Variants in MAML2 observed in about 807,000 individuals in gnomAD.
MAML2 encodes mastermind like transcriptional coactivator 2.
A neutral mutation model predicts 96.1 loss-of-function variants in MAML2; 22 were observed. That is an observed-to-expected ratio of 0.23 (90% confidence interval 0.16 to 0.33). MAML2 has a LOEUF of 0.33. MAML2 is among the 10% of genes least tolerant of loss of function. The pLI is 1.00. For missense variants in MAML2, 1,367 were observed against 1,392.4 expected (o/e 0.98, Z 0.29); for synonymous variants, 561 against 521.3 (o/e 1.08, Z -1.04).
chr11:96,251,780 G>A (rs980117221), intron 1 of MAML2, among the ~76,000 whole-genome samples: 3 of 150,138 alleles, frequency 2.0e-5, no homozygotes, highest in Non-Finnish European at 4.4e-5. Context: ...CACCCAGGCT[G>A]GAGTGCAGTG....
chr11:96,250,970 T>G (rs1208251116), intron 1 of MAML2, among the ~76,000 whole-genome samples: 1 of 152,122 alleles, frequency 6.6e-6, no homozygotes, highest in African/African-American at 2.4e-5. Context: ...CTTAGGACAT[T>G]GGCTTTGGTT....
chr11:96,293,195 A>G (rs1231380255), intron 1 of MAML2, among the ~76,000 whole-genome samples: 1 of 152,214 alleles, frequency 6.6e-6, no homozygotes, highest in Non-Finnish European at 1.5e-5. Context: ...TGTGCCAACT[A>G]TCTACATTGT....
rs1299288654 is a variant in MAML2, at chr11:95,979,382, C to T, written c.3037G>A (p.Ala1013Thr). 6.2e-7 allele frequency: 1 copy of T among 1,613,596 alleles called. No individual in the cohort carries two copies. Among genetic ancestry groups the T allele is most frequent in the Non-Finnish European group, 8.5e-7 (1 of 1,179,736 alleles). The change falls in exon 5 of 5, where the codon GCA becomes ACA. Residue 1013 changes from alanine to threonine, a missense_variant. Coordinates refer to ENST00000524717, the MANE Select transcript of MAML2 (RefSeq NM_032427.4). Reference sequence around the variant, plus strand: ...GTTAACTGGTTAGGAGGAGCCACTGCCCTCTGGGAAAATTGCTGGCTACCT... The same window carrying T: ...GTTAACTGGTTAGGAGGAGCCACTGTCCTCTGGGAAAATTGCTGGCTACCT... Reference protein sequence around the residue: ...AVGSQQFSQRAVAPPNQLTPA... With the variant: ...AVGSQQFSQRTVAPPNQLTPA...
rs145585363 is a variant in MAML2, at chr11:96,126,810, C to T, written c.514-33293G>A. Among the ~76,000 whole-genome samples, 51 of 152,228 alleles carry T rather than the reference C, an allele frequency of 3.4e-4. No individual in the cohort carries two copies. The East Asian group carries it at 4.2e-3, about 13-fold the overall frequency. On this transcript the variant is annotated intron_variant, in intron 1 of 4. Coordinates refer to ENST00000524717, the MANE Select transcript of MAML2 (RefSeq NM_032427.4). ...CAAATGTCATTGAGCAGTTCTCATG[C>T]GCTGGACACCTTGCTAGGCCCTTAG...
At chr11:95,998,217 C>A (rs766380130) in intron 2 of MAML2, among the ~76,000 whole-genome samples, 1 of 151,708 alleles carries the variant, frequency 6.6e-6, no homozygotes, top group Non-Finnish European at 1.5e-5. Context: ...ACGTACCCAA[C>A]CTCCTTACCT....
At chr11:96,202,466 G>A (rs905000668) in intron 1 of MAML2, among the ~76,000 whole-genome samples, 3 of 152,218 alleles carry the variant, frequency 2.0e-5, no homozygotes, top group African/African-American at 4.8e-5. Context: ...TCAGGAATGC[G>A]TTAGGAAAGT....
chr11:96,241,174 T>C (rs1000235073), intron 1 of MAML2, among the ~76,000 whole-genome samples: 5 of 152,222 alleles, frequency 3.3e-5, no homozygotes, highest in African/African-American at 1.2e-4. Context: ...TTACAGTATT[T>C]TCACTAGTTC....
At chr11:96,221,108 A>G (rs1307496738) in intron 1 of MAML2, among the ~76,000 whole-genome samples, 1 of 152,234 alleles carries the variant, frequency 6.6e-6, no homozygotes, top group Non-Finnish European at 1.5e-5. Flanking sequence ...TATTAATACT[A>G]TGGTCATTAA....
intron 2 of MAML2, among the ~76,000 whole-genome samples, chr11:96,067,761 G>A (rs992425562): frequency 5.3e-5 from 8 of 152,142 alleles, no homozygotes; most frequent in African/African-American, 1.2e-4. Flanking sequence ...ACGCATATCC[G>A]TGACTGCCTC....
At chr11:96,051,531 CT>C (rs903004858) in intron 2 of MAML2, among the ~76,000 whole-genome samples, 18 of 152,216 alleles carry the variant, frequency 1.2e-4, no homozygotes, top group Admixed American at 3.9e-4. Flanking sequence ...GGTCACACCC[CT>C]AGCATGGCAT....
chr11:95,993,178 G>A (rs939969130), intron 2 of MAML2, among the ~76,000 whole-genome samples: 4 of 149,942 alleles, frequency 2.7e-5, no homozygotes, highest in South Asian at 2.1e-4. Flanking sequence ...CCACAGTGCT[G>A]GTATTACAGG....
chr11:96,070,057 C>A (rs1479714602), intron 2 of MAML2, among the ~76,000 whole-genome samples: 1 of 150,838 alleles, frequency 6.6e-6, no homozygotes, highest in Non-Finnish European at 1.5e-5. Flanking sequence ...ATAAGGAGGC[C>A]AAGGCAGGTG....
intron 1 of MAML2, among the ~76,000 whole-genome samples, chr11:96,111,507 T>C (rs1236942898): frequency 6.6e-6 from 1 of 152,218 alleles, no homozygotes; most frequent in African/African-American, 2.4e-5. Context: ...AGTTTGGAAT[T>C]CACCTGAATT....
intron 1 of MAML2, among the ~76,000 whole-genome samples, chr11:96,259,996 T>A (rs1862725639): frequency 6.6e-6 from 1 of 152,160 alleles, no homozygotes; most frequent in Non-Finnish European, 1.5e-5. Flanking sequence ...ATCATTATTC[T>A]TTCAAACAGG....
chr11:96,177,762 G>T (rs1202184836), intron 1 of MAML2, among the ~76,000 whole-genome samples: 6 of 152,130 alleles, frequency 3.9e-5, no homozygotes, highest in Non-Finnish European at 8.8e-5. Flanking sequence ...TGAAAGATAG[G>T]ATAAGGCATG....
chr11:96,031,044 C>A (rs1858606502), intron 2 of MAML2, among the ~76,000 whole-genome samples: 1 of 152,148 alleles, frequency 6.6e-6, no homozygotes, highest in South Asian at 2.1e-4. Context: ...TCACCCAAAC[C>A]TGGGCTTGAA....
chr11:96,319,905 G>T (rs183858650), intron 1 of MAML2, among the ~76,000 whole-genome samples: 1 of 152,134 alleles, frequency 6.6e-6, no homozygotes, highest in East Asian at 1.9e-4. Flanking sequence ...ACCACAGTCC[G>T]TACATTCTGA....
intron 1 of MAML2, among the ~76,000 whole-genome samples, chr11:96,134,525 G>C (rs7951538): frequency 0.73 from 111,793 of 152,148 alleles, 41,339 homozygotes; most frequent in East Asian, 0.94. Context: ...ATATTTGAAG[G>C]CAGTCAAACT....
intron 1 of MAML2, among the ~76,000 whole-genome samples, chr11:96,212,951 C>T (rs1021023101): frequency 6.6e-6 from 1 of 152,120 alleles, no homozygotes; most frequent in Non-Finnish European, 1.5e-5. Flanking sequence ...CAGCCAGGGC[C>T]TCGGTTTCCT....
Sources: allele counts gnomAD v4.1 joint callset (sites outside exome capture counted in the v4.1 genomes callset), GRCh38; gene constraint gnomAD v4.1.1; transcripts MANE v1.5; gene names NCBI Gene and HGNC (gene_info 2026-07-23, HGNC 2026-07-21).